ERVFRD-1: variants seen among roughly 807,000 people sequenced by gnomAD.
ERVFRD-1 encodes the protein syncytin-2.
In ERVFRD-1, 33 loss-of-function variants were observed where a neutral mutation model predicts 43.8. The observed-to-expected ratio is 0.75, with a 90% confidence interval of 0.57 to 1.01. The LOEUF (loss-of-function observed/expected upper bound fraction) is 1.01, where lower values mean the gene tolerates loss of function less well. ERVFRD-1 is among the 50% of genes least tolerant of loss of function. The pLI, the probability that ERVFRD-1 is intolerant of heterozygous loss-of-function variation, is 0.00. For synonymous variants in ERVFRD-1, 239 were observed against 244.4 expected, an observed-to-expected ratio of 0.98 and a Z score of 0.21; for missense variants, 568 against 658.4, an observed-to-expected ratio of 0.86 and a Z score of 1.50.
chr6:11,104,868 G>A lies in ERVFRD-1; in HGVS notation c.443C>T (p.Thr148Ile), dbSNP rs2113643989. The change falls in exon 2 of 2, where the codon ACT becomes ATT. Residue 148 changes from threonine (T) to isoleucine (I), a missense_variant. Physicochemically the swap from Thr to Ile is moderately conservative, Grantham distance 89 (BLOSUM62 -1). Coordinates refer to ENST00000472091, the MANE Select transcript of ERVFRD-1 (RefSeq NM_207582.3). ...CTGTTGGTTAGAATCTACAGTGAAAGTAACATTACAGACTGTACTTGGAAG... is the reference window on the plus strand; with the variant it reads ...CTGTTGGTTAGAATCTACAGTGAAAATAACATTACAGACTGTACTTGGAAG... ...GTLPSTVCNV[T>I]FTVDSNQQTY... is the part of the protein sequence containing the mutation. 6 of 1,614,226 alleles carry A rather than the reference G, an allele frequency of 3.7e-6. No individual in the cohort carries two copies. Among genetic ancestry groups the A allele is most frequent in the East Asian group, 2.2e-5 (1 of 44,890 alleles).
At position 11,105,150 on chromosome 6, in the gene ERVFRD-1, G is replaced by A; in HGVS notation, c.161C>T (p.Pro54Leu). 6.2e-7 allele frequency: 1 copy of A among 1,614,204 alleles called. No individual in the cohort carries two copies. The highest frequency in any genetic ancestry group is 8.5e-7 in the Non-Finnish European group (1 of 1,180,036). ...WLCTSSSTET[P>L]GTAYPASPRE... is the part of the protein sequence containing the mutation. ...GGGCGAGGCTGGATAAGCTGTCCCT[G>A]GTGTTTCAGTGGAAGAGCTAGTACA... Residue 54 changes from proline to leucine, a missense_variant, in exon 2 of 2, where the codon CCA becomes CTA. By Grantham distance (98) the Pro-to-Leu change is moderately conservative. Coordinates refer to ENST00000472091, the MANE Select transcript of ERVFRD-1 (RefSeq NM_207582.3).
At position 11,103,729 on chromosome 6, in the gene ERVFRD-1, G is replaced by A. The variant is rs538647882; in HGVS notation, c.1582C>T (p.Arg528Cys). The change falls in exon 2 of 2, where the codon CGC becomes TGC. Residue 528 changes from arginine (R) to cysteine (C), a missense_variant. Arg to Cys is a radical substitution (Grantham distance 180). Transcript: ENST00000472091. ...GACTCTTGAATATTGCGAGGATGGCGTCCTGCACTGAGATTCGTCTGGAGC... is the reference window on the plus strand; with the variant it reads ...GACTCTTGAATATTGCGAGGATGGCATCCTGCACTGAGATTCGTCTGGAGC... ...IKLQTNLSAG[R>C]HPRNIQESPF is the part of the protein sequence containing the mutation. 1.6e-5 allele frequency: 25 copies of A among 1,551,626 alleles called. No homozygotes were observed. The highest frequency in any genetic ancestry group is 9.8e-5 in the Admixed American group (5 of 50,996).
Position 11,104,288 on chromosome 6 carries a change from C to T in ERVFRD-1, c.1023G>A (p.Gly341=). 1.9e-6 allele frequency: 3 copies of T among 1,551,676 alleles called. No homozygotes were observed. The highest frequency in any genetic ancestry group is 2.6e-6 in the Non-Finnish European group (3 of 1,146,996). The change falls in exon 2 of 2, where the codon GGG becomes GGA. Residue 341 remains glycine (G), a synonymous_variant. Coordinates refer to ENST00000472091, the MANE Select transcript of ERVFRD-1 (RefSeq NM_207582.3). ...GNLSLPIPIY[G]NSPLPRVRRA... ...TCCTCACCCTGGGCAACGGGGAATT[C>T]CCATAGATTGGTATTGGAAGAGAGA...
In ERVFRD-1 at chr6:11,103,496, C is replaced by T. The variant is rs1025472604; in HGVS notation, c.*198G>A. The T allele has an allele frequency of 2.3e-5, 17 of 737,848 alleles. No individual in the cohort carries two copies. Among genetic ancestry groups the T allele is most frequent in the South Asian group, 1.3e-4 (4 of 31,398 alleles). The allele number at this position is 737,848 out of a possible 1,614,324, so 45.7% of individuals were successfully genotyped here. On this transcript the variant is annotated 3_prime_UTR_variant, in exon 2 of 2. Transcript: ENST00000472091. ...AGACCCAATTATCTGGGAAAATGGA[C>T]GAAGGTCAGTCTTCTTTAACTGCTT...
chr6:11,105,576 C>T lies in ERVFRD-1; in HGVS notation c.-266G>A. The T allele has an allele frequency of 4.9e-6, 2 of 407,560 alleles. No individual in the cohort carries two copies. The highest frequency in any genetic ancestry group is 4.0e-5 in the Admixed American group (1 of 24,980). 25.2% of individuals were successfully genotyped at this position (407,560 alleles called of 1,614,324 possible). A position where few individuals can be genotyped will look rare whatever the true frequency, so the allele number is the denominator to read the frequency against. ...TGGCTCTGGAGTTTAAGGGCTTTTC[C>T]ACAGCTTCACTTGGGTGTGATGGAT... On this transcript the variant is annotated 5_prime_UTR_variant, in exon 2 of 2. Coordinates refer to ENST00000472091, the MANE Select transcript of ERVFRD-1 (RefSeq NM_207582.3).
At chr6:11,107,852 CTT>C (rs2113647293) in intron 1 of ERVFRD-1, among the ~76,000 whole-genome samples, 2 of 152,334 alleles carry the variant, frequency 1.3e-5, no homozygotes, top group South Asian at 4.1e-4. Context: ...TGAAATCCCT[CTT>C]TGGCCTCCAG....
intron 1 of ERVFRD-1, among the ~76,000 whole-genome samples, chr6:11,109,050 T>C (rs918372078): frequency 2.6e-5 from 4 of 152,200 alleles, no homozygotes; most frequent in African/African-American, 7.2e-5. Flanking sequence ...GTAATCCCAA[T>C]TGGGGTTGAC....
At position 11,104,033 on chromosome 6, in the gene ERVFRD-1, T is replaced by C. The variant is rs1758042379; in HGVS notation, c.1278A>G (p.Ala426=). ...NRRGLDMLTA[A]QGGICLALDE... ...CTAAGGCCAAACAAATTCCTCCCTG[T>C]GCTGCCGTTAACATGTCTAGTCCTC... The change falls in exon 2 of 2, where the codon GCA becomes GCG. Residue 426 remains alanine, a synonymous_variant. Coordinates refer to ENST00000472091, the MANE Select transcript of ERVFRD-1 (RefSeq NM_207582.3). 1 of 1,551,636 alleles carries C rather than the reference T, an allele frequency of 6.4e-7. No homozygotes were observed. Among genetic ancestry groups the C allele is most frequent in the Admixed American group, 2.0e-5 (1 of 50,996 alleles).
Position 11,105,491 on chromosome 6 carries a change from G to T in ERVFRD-1, c.-181C>A. ...GGCATTACTTATCTTTTTGTTTAAA[G>T]AGGAATTTTAGATCTTCCAGTGCCT... On this transcript the variant is annotated 5_prime_UTR_variant, in exon 2 of 2. Coordinates refer to ENST00000472091, the MANE Select transcript of ERVFRD-1 (RefSeq NM_207582.3). The T allele has an allele frequency of 1.7e-6, 1 of 590,684 alleles. No homozygotes were observed. Among genetic ancestry groups the T allele is most frequent in the South Asian group, 2.3e-5 (1 of 43,822 alleles). The allele number at this position is 590,684 out of a possible 1,614,324, so 36.6% of individuals were successfully genotyped here. A position where few individuals can be genotyped will look rare whatever the true frequency, so the allele number is the denominator to read the frequency against.
rs1377776444 is a variant in ERVFRD-1, at chr6:11,104,594, C to T, written c.717G>A (p.Trp239Ter). The T allele has an allele frequency of 6.2e-7, 1 of 1,613,706 alleles. No homozygotes were observed. The highest frequency in any genetic ancestry group is 1.3e-5 in the African/African-American group (1 of 74,850). Reference protein sequence around the residue: ...LLDQTRNSLFWENKTKGANQS... With the variant: ...LLDQTRNSLF Reference sequence around the variant, plus strand: ...GGTTAGCTCCCTTGGTTTTATTTTCCCAAAAAAGAGAATTTCGAGTTTGGT... The same window carrying T: ...GGTTAGCTCCCTTGGTTTTATTTTCTCAAAAAAGAGAATTTCGAGTTTGGT... The change falls in exon 2 of 2, where the codon TGG (tryptophan) becomes TGA (stop). Residue 239 changes from tryptophan to a stop codon, truncating the protein, a stop_gained. Coordinates refer to ENST00000472091, the MANE Select transcript of ERVFRD-1 (RefSeq NM_207582.3). LOFTEE classifies it high-confidence loss of function.
intron 1 of ERVFRD-1, among the ~76,000 whole-genome samples, chr6:11,111,192 G>T (rs145432447): frequency 6.6e-6 from 1 of 152,196 alleles, no homozygotes; most frequent in African/African-American, 2.4e-5. Flanking sequence ...AACAAATAGG[G>T]AATGTGTGTT....
chr6:11,109,279 G>A (rs1173770448), intron 1 of ERVFRD-1, among the ~76,000 whole-genome samples: 1 of 152,168 alleles, frequency 6.6e-6, no homozygotes, highest in Non-Finnish European at 1.5e-5. Flanking sequence ...AACTTCCCTA[G>A]TTCCATTTTA....
intron 1 of ERVFRD-1, among the ~76,000 whole-genome samples, chr6:11,109,177 G>C (rs1011934131): frequency 5.9e-5 from 9 of 152,226 alleles, no homozygotes; most frequent in African/African-American, 2.2e-4. Context: ...GGCAGAGTTT[G>C]CCCTAGTATG....
At chr6:11,106,726 G>A (rs151051555) in intron 1 of ERVFRD-1, among the ~76,000 whole-genome samples, 53 of 152,222 alleles carry the variant, frequency 3.5e-4, no homozygotes, top group Non-Finnish European at 6.2e-4. Context: ...CTCTTTAGCT[G>A]TTTAGTTAGC....
chr6:11,110,676 G>A (rs932158789), intron 1 of ERVFRD-1, among the ~76,000 whole-genome samples: 1 of 152,226 alleles, frequency 6.6e-6, no homozygotes, highest in Non-Finnish European at 1.5e-5. Context: ...ACAGGAGAAA[G>A]CGGGAGGAAG....
chr6:11,103,585 C>T lies in ERVFRD-1; in HGVS notation c.*109G>A. 1 of 1,433,228 alleles carries T rather than the reference C, an allele frequency of 7.0e-7. No individual in the cohort carries two copies. The allele number at this position is 1,433,228 out of a possible 1,614,324, so 88.8% of individuals were successfully genotyped here. ...CTTGGCCTCTTGCTAGCTGTCAGGG[C>T]AGGATGGCTCTGTGGATTGGCAAAA... is the stretch of plus-strand genomic sequence containing the variant. On this transcript the variant is annotated 3_prime_UTR_variant, in exon 2 of 2. Transcript: ENST00000472091.
In ERVFRD-1 at chr6:11,105,033, A is replaced by G; in HGVS notation, c.278T>C (p.Leu93Pro). 6.2e-7 allele frequency: 1 copy of G among 1,614,226 alleles called. No individual in the cohort carries two copies. Among genetic ancestry groups the G allele is most frequent in the Non-Finnish European group, 8.5e-7 (1 of 1,180,040 alleles). The change falls in exon 2 of 2, where the codon CTT becomes CCT. Residue 93 changes from leucine (L) to proline (P), a missense_variant. Leu to Pro is a moderately conservative substitution (Grantham distance 98, BLOSUM62 -3). Transcript: ENST00000472091. ...KGLMRPANSL[L>P]STVKQDFPDI... ...AGGGAAATCTTGCTTTACTGTTGAA[A>G]GAAGACTATTTGCAGGCCTCATCAG...
Position 11,104,770 on chromosome 6 carries a change from G to C in ERVFRD-1, c.541C>G (p.Pro181Ala). 3.1e-6 allele frequency: 5 copies of C among 1,614,198 alleles called. No homozygotes were observed. Among genetic ancestry groups the C allele is most frequent in the Non-Finnish European group, 4.2e-6 (5 of 1,180,030 alleles). The change falls in exon 2 of 2, where the codon CCT becomes GCT. Residue 181 changes from proline to alanine, a missense_variant. Pro to Ala is a conservative substitution (Grantham distance 27). Coordinates refer to ENST00000472091, the MANE Select transcript of ERVFRD-1 (RefSeq NM_207582.3). Reference protein sequence around the residue: ...RFPKPPNITFPQGTLLDKSSR... With the variant: ...RFPKPPNITFAQGTLLDKSSR... ...GATTTATCTAGCAAAGTTCCCTGAG[G>C]AAAAGTAATATTTGGAGGTTTGGGG...
Position 11,103,568 on chromosome 6 carries a change from C to G in ERVFRD-1, c.*126G>C, listed in dbSNP as rs1392835210. ...GTGGTTGTTCTGTGGGTCTTGGCCT[C>G]TTGCTAGCTGTCAGGGCAGGATGGC... On this transcript the variant is annotated 3_prime_UTR_variant, in exon 2 of 2. Coordinates refer to ENST00000472091, the MANE Select transcript of ERVFRD-1 (RefSeq NM_207582.3). The G allele has an allele frequency of 4.3e-6, 6 of 1,392,586 alleles. No homozygotes were observed. The highest frequency in any genetic ancestry group is 4.7e-6 in the Non-Finnish European group (5 of 1,061,036). The allele number at this position is 1,392,586 out of a possible 1,614,324, so 86.3% of individuals were successfully genotyped here. A position where few individuals can be genotyped will look rare whatever the true frequency, so the allele number is the denominator to read the frequency against.
Sources: gnomAD v4.1 joint callset for allele counts (sites outside exome capture counted in the v4.1 genomes callset) on GRCh38, gnomAD v4.1.1 for gene constraint, MANE v1.5 for transcripts, NCBI Gene and HGNC (gene_info 2026-07-23, HGNC 2026-07-21) for gene names.